Variants in PAK5 observed in about 807,000 individuals in gnomAD.
The protein encoded by PAK5 is serine/threonine-protein kinase PAK 5.
Under a neutral mutation model 65.9 loss-of-function variants are expected in PAK5, and 16 were observed. That is an observed-to-expected ratio of 0.24 (90% CI 0.16 to 0.37). PAK5 has a LOEUF of 0.37. PAK5 is among the 10% of genes least tolerant of loss of function. PAK5 has a pLI of 1.00. For synonymous variants in PAK5, 371 were observed against 354.9 expected (o/e 1.05, Z -0.51); for missense variants, 785 against 903.9 (o/e 0.87, Z 1.69).
intron 7 of PAK5, among the ~76,000 whole-genome samples, chr20:9,551,908 C>A (rs73241754): frequency 0.012 from 1,867 of 152,136 alleles, 34 homozygotes; most frequent in African/African-American, 0.041. Context: ...ATAACAGTGG[C>A]CAGAAAAAGA....
intron 3 of PAK5, among the ~76,000 whole-genome samples, chr20:9,586,213 T>G (rs1052820952): frequency 6.6e-6 from 1 of 152,202 alleles, no homozygotes; most frequent in African/African-American, 2.4e-5. Context: ...GGGGGTAGAC[T>G]GTTAGTGTTA....
chr20:9,573,805 A>T (rs768007247), intron 4 of PAK5, among the ~76,000 whole-genome samples: 4 of 152,158 alleles, frequency 2.6e-5, no homozygotes, highest in Non-Finnish European at 5.9e-5. Context: ...GAGGACTCGG[A>T]ATGTTCCGTG....
intron 1 of PAK5, among the ~76,000 whole-genome samples, chr20:9,778,396 C>G: frequency 6.6e-6 from 1 of 152,048 alleles, no homozygotes; most frequent in East Asian, 1.9e-4. Flanking sequence ...CATCACCATG[C>G]CTGGCTAATT....
intron 1 of PAK5, among the ~76,000 whole-genome samples, chr20:9,762,691 T>C (rs1462170043): frequency 1.3e-5 from 2 of 152,118 alleles, no homozygotes; most frequent in Non-Finnish European, 2.9e-5. Context: ...AGTACATCCA[T>C]TATGGAAAAC....
At chr20:9,597,043 T>A (rs2046282725) in intron 3 of PAK5, among the ~76,000 whole-genome samples, 1 of 152,216 alleles carries the variant, frequency 6.6e-6, no homozygotes, top group African/African-American at 2.4e-5. Context: ...AACTGGGGTT[T>A]ACATATTCCA....
chr20:9,835,248 A>G (rs1979055362), intron 1 of PAK5, among the ~76,000 whole-genome samples: 1 of 152,246 alleles, frequency 6.6e-6, no homozygotes, highest in African/African-American at 2.4e-5. Context: ...GCTTACAGAC[A>G]TAGCCAAACA....
At position 9,580,835 on chromosome 20, in the gene PAK5, T is replaced by C. The variant is rs1177494095; in HGVS notation, c.300A>G (p.Leu100=). 4 of 1,613,748 alleles carry C rather than the reference T, an allele frequency of 2.5e-6. No individual in the cohort carries two copies. The highest frequency in any genetic ancestry group is 2.7e-5 in the African/African-American group (2 of 74,884). Residue 100 remains leucine (L), a synonymous_variant, in exon 4 of 10, where the codon CTA becomes CTG. Transcript: ENST00000353224. ...DNISVTRSNS[L]RKESPPTPDQ... is the part of the protein sequence containing the mutation. Reference sequence around the variant, plus strand: ...CTGGGGTGGGTGGGCTTTCTTTCCTTAGGGAGTTGGAGCGAGTCACCGAGA... The same window carrying C: ...CTGGGGTGGGTGGGCTTTCTTTCCTCAGGGAGTTGGAGCGAGTCACCGAGA...
chr20:9,726,492 C>A (rs1393593966), intron 1 of PAK5, among the ~76,000 whole-genome samples: 1 of 152,000 alleles, frequency 6.6e-6, no homozygotes, highest in East Asian at 1.9e-4. Flanking sequence ...GTGTTGTGTT[C>A]AATAAACTGA....
At chr20:9,554,040 C>T (rs2045470090) in intron 7 of PAK5, among the ~76,000 whole-genome samples, 1 of 152,130 alleles carries the variant, frequency 6.6e-6, no homozygotes, top group East Asian at 1.9e-4. Flanking sequence ...AGTGATAGCT[C>T]ATTGTAGTTT....
At chr20:9,714,572 T>C (rs2048119303) in intron 1 of PAK5, among the ~76,000 whole-genome samples, 1 of 152,282 alleles carries the variant, frequency 6.6e-6, no homozygotes, top group Middle Eastern at 3.4e-3. Context: ...TACCTCTCAA[T>C]ATTTTAAAAT....
intron 3 of PAK5, among the ~76,000 whole-genome samples, chr20:9,594,570 T>C (rs1474626441): frequency 2.0e-5 from 3 of 152,244 alleles, no homozygotes; most frequent in African/African-American, 7.2e-5. Context: ...TCACTGATTG[T>C]CTTGCACATA....
chr20:9,763,995 A>T (rs2048728726), intron 1 of PAK5, among the ~76,000 whole-genome samples: 1 of 152,212 alleles, frequency 6.6e-6, no homozygotes, highest in Non-Finnish European at 1.5e-5. Context: ...ATTCTCCTGT[A>T]TAACTATGAC....
intron 2 of PAK5, among the ~76,000 whole-genome samples, chr20:9,704,669 C>T (rs1003487102): frequency 2.1e-4 from 32 of 151,876 alleles, no homozygotes; most frequent in Admixed American, 5.3e-4. Flanking sequence ...ATGCACTAAG[C>T]GCTGAGGTTT....
At chr20:9,579,901 G>A (rs539135274) in intron 4 of PAK5, among the ~76,000 whole-genome samples, 6 of 152,006 alleles carry the variant, frequency 3.9e-5, no homozygotes, top group African/African-American at 7.3e-5. Flanking sequence ...AAGTTTATTC[G>A]CCTTTTAATG....
intron 2 of PAK5, among the ~76,000 whole-genome samples, chr20:9,668,947 G>T (rs1234317960): frequency 1.3e-5 from 2 of 152,158 alleles, no homozygotes; most frequent in South Asian, 4.1e-4. Context: ...CAATATCATG[G>T]CATATTCGAG....
intron 3 of PAK5, among the ~76,000 whole-genome samples, chr20:9,596,914 C>A (rs1603239628): frequency 2.6e-5 from 4 of 152,300 alleles, no homozygotes; most frequent in South Asian, 2.1e-4. Flanking sequence ...GCAGGTCTGG[C>A]ATAAGGCTCA....
intron 2 of PAK5, among the ~76,000 whole-genome samples, chr20:9,678,570 A>G (rs1438413440): frequency 6.6e-6 from 1 of 152,206 alleles, no homozygotes; most frequent in Non-Finnish European, 1.5e-5. Context: ...CCATCTCAAC[A>G]AAAGAAACAA....
At chr20:9,709,070 T>C (rs372998934) in intron 2 of PAK5, among the ~76,000 whole-genome samples, 1 of 152,184 alleles carries the variant, frequency 6.6e-6, no homozygotes, top group South Asian at 2.1e-4. Context: ...TTCATGTTAG[T>C]CTTGTTGCTT....
chr20:9,766,333 AATATATATATTCTACTTACTTGAATAT>A (rs2048760078), intron 1 of PAK5, among the ~76,000 whole-genome samples: 1 of 25,932 alleles, frequency 3.9e-5, no homozygotes, highest in Non-Finnish European at 6.4e-5. Context: ...TACTTACTTG[AATATATATATTCTACTTACTTGAATAT>A]ATATATATAT....
Sources: gnomAD v4.1 joint callset for allele counts (sites outside exome capture counted in the v4.1 genomes callset) on GRCh38, gnomAD v4.1.1 for gene constraint, MANE v1.5 for transcripts, NCBI Gene and HGNC (gene_info 2026-07-23, HGNC 2026-07-21) for gene names.